Variants in RBFOX1 observed in about 807,000 individuals in gnomAD.
RBFOX1 encodes RNA binding fox-1 homolog 1, also known as RNA binding protein fox-1 homolog 1.
Under a neutral mutation model 57.7 loss-of-function variants are expected in RBFOX1, and 8 were observed. The ratio of observed to expected loss-of-function variants is 0.14; its 90% CI spans 0.08 to 0.25. The LOEUF (loss-of-function observed/expected upper bound fraction) is 0.25. RBFOX1 is among the 10% of genes least tolerant of loss of function. The pLI is 1.00. For missense variants in RBFOX1, 611 were observed against 548.5 expected, an observed-to-expected ratio of 1.11 and a Z score of -1.14; for synonymous variants, 326 against 222.4, an observed-to-expected ratio of 1.47 and a Z score of -4.15.
chr16:6,818,646 A>T (rs8055088), intron 3 of RBFOX1, among the ~76,000 whole-genome samples: 77,073 of 151,936 alleles, frequency 0.51, 19,790 homozygotes, highest in African/African-American at 0.54. Context: ...AGCTGCTATT[A>T]TTCATTTTTC....
intron 1 of RBFOX1, among the ~76,000 whole-genome samples, chr16:6,124,258 C>G (rs1187076593): frequency 2.0e-5 from 3 of 152,308 alleles, no homozygotes; most frequent in Non-Finnish European, 2.9e-5. Context: ...CCAGCTCCCT[C>G]TAAAGAGAGT....
At chr16:6,601,993 A>C (rs1175849248) in intron 2 of RBFOX1, among the ~76,000 whole-genome samples, 1 of 152,138 alleles carries the variant, frequency 6.6e-6, no homozygotes, top group African/African-American at 2.4e-5. Flanking sequence ...GTCAGGTAGG[A>C]CAGGGGATGG....
chr16:7,676,800 C>A lies in RBFOX1; in HGVS notation c.957C>A (p.Ala319=). The A allele has an allele frequency of 6.2e-7, 1 of 1,613,256 alleles. No homozygotes were observed. The highest frequency in any genetic ancestry group is 8.5e-7 in the Non-Finnish European group (1 of 1,179,452). Residue 319 remains alanine (A), a synonymous_variant, in exon 14 of 16, where the codon GCC becomes GCA. Transcript: ENST00000550418. ...GTGGTTATGCTGCATACCGCTACGCCCAGCCTACCCCTGCCACTGCCGCTG... is the reference window on the plus strand; with the variant it reads ...GTGGTTATGCTGCATACCGCTACGCACAGCCTACCCCTGCCACTGCCGCTG... The part of the protein sequence containing the change: ...IYGGYAAYRY[A]QPTPATAAAY...
At chr16:7,695,827 A>G (rs1001086929) in intron 14 of RBFOX1, among the ~76,000 whole-genome samples, 8 of 151,514 alleles carry the variant, frequency 5.3e-5, no homozygotes, top group African/African-American at 1.9e-4. Flanking sequence ...TTAAATGGAG[A>G]AAAAAAAATC....
chr16:5,695,597 T>C (rs1456424719), intron 3 of RBFOX1, among the ~76,000 whole-genome samples: 4 of 152,204 alleles, frequency 2.6e-5, no homozygotes, highest in Non-Finnish European at 5.9e-5. Flanking sequence ...TCAGATGTTA[T>C]GCACCTCCTT....
intron 4 of RBFOX1, among the ~76,000 whole-genome samples, chr16:7,166,226 C>A (rs1302099910): frequency 6.6e-6 from 1 of 151,970 alleles, no homozygotes; most frequent in Non-Finnish European, 1.5e-5. Flanking sequence ...GTAGGCCAGG[C>A]TGGTCTCGAA....
chr16:6,226,260 G>C (rs12919676), intron 1 of RBFOX1, among the ~76,000 whole-genome samples: 48,966 of 148,702 alleles, frequency 0.33, 8,557 homozygotes, highest in African/African-American at 0.42. Context: ...GTAATCCCAG[G>C]TACTCGGGAG....
intron 2 of RBFOX1, among the ~76,000 whole-genome samples, chr16:6,407,011 A>G (rs8043947): frequency 0.44 from 66,611 of 151,982 alleles, 15,431 homozygotes; most frequent in Non-Finnish European, 0.5. Flanking sequence ...CCAATGAGAT[A>G]AACTCTTTTG....
Position 6,401,485 on chromosome 16 carries a change from C to T in RBFOX1, c.-64+84428C>T, listed in dbSNP as rs1326366613. On this transcript the variant is annotated intron_variant, in intron 2 of 15. Transcript: ENST00000550418. ...TGGACTGTGATCATTTTAAAACCTACGCTAATTTGAAGGGCATGAAATGAT... is the reference window on the plus strand; with the variant it reads ...TGGACTGTGATCATTTTAAAACCTATGCTAATTTGAAGGGCATGAAATGAT... Among the ~76,000 whole-genome samples the T allele has an allele frequency of 1.2e-4, 18 of 152,258 alleles. No homozygotes were observed. The East Asian group carries it at 1.5e-3, about 13-fold the overall frequency.
chr16:6,715,045 T>C (rs758387930), intron 3 of RBFOX1, among the ~76,000 whole-genome samples: 1 of 152,082 alleles, frequency 6.6e-6, no homozygotes, highest in Non-Finnish European at 1.5e-5. Flanking sequence ...GAGAAATCCA[T>C]ATTTGGGATT....
At chr16:5,414,219 A>T (rs1177090672) in intron 1 of RBFOX1, among the ~76,000 whole-genome samples, 1 of 152,158 alleles carries the variant, frequency 6.6e-6, no homozygotes, top group East Asian at 1.9e-4. Flanking sequence ...CCAGGATGCC[A>T]GGTTTTTCTC....
At chr16:6,987,456 GACACAC>G (rs199503873) in intron 3 of RBFOX1, among the ~76,000 whole-genome samples, 5,720 of 135,400 alleles carry the variant, frequency 0.042, 123 homozygotes, top group Non-Finnish European at 0.047. Context: ...AAACTTTTCA[GACACAC>G]ACACACACAC....
At chr16:6,683,534 CTTTTG>C (rs925860590) in intron 3 of RBFOX1, among the ~76,000 whole-genome samples, 1 of 152,002 alleles carries the variant, frequency 6.6e-6, no homozygotes, top group Non-Finnish European at 1.5e-5. Context: ...ATGTATATAG[CTTTTG>C]TTTTGTTTTC....
intron 3 of RBFOX1, among the ~76,000 whole-genome samples, chr16:7,012,811 G>T (rs1003697230): frequency 1.3e-5 from 2 of 152,142 alleles, no homozygotes; most frequent in Non-Finnish European, 2.9e-5. Context: ...ATCTTAGTGT[G>T]TTCAGGCTGC....
intron 2 of RBFOX1, among the ~76,000 whole-genome samples, chr16:6,641,666 C>T (rs868146204): frequency 2.9e-5 from 4 of 138,722 alleles, no homozygotes; most frequent in Non-Finnish European, 6.2e-5. Context: ...ACCTGGGAGG[C>T]GGAGGTTGCA....
intron 3 of RBFOX1, among the ~76,000 whole-genome samples, chr16:6,799,159 G>C (rs2084772128): frequency 6.6e-6 from 1 of 152,056 alleles, no homozygotes; most frequent in South Asian, 2.1e-4. Flanking sequence ...TCTTAGCTTT[G>C]CTCAGGAAAG....
At chr16:7,635,338 T>C (rs2061584163) in intron 11 of RBFOX1, among the ~76,000 whole-genome samples, 1 of 152,202 alleles carries the variant, frequency 6.6e-6, no homozygotes, top group Admixed American at 6.5e-5. Context: ...ACGTAAATGT[T>C]TATTTTGTTT....
At chr16:6,977,173 T>G (rs1465464662) in intron 3 of RBFOX1, among the ~76,000 whole-genome samples, 2 of 146,948 alleles carry the variant, frequency 1.4e-5, no homozygotes, top group South Asian at 2.1e-4. Context: ...TATTATCATA[T>G]ATAGATCATA....
intron 4 of RBFOX1, among the ~76,000 whole-genome samples, chr16:7,499,205 A>G (rs1433930675): frequency 6.6e-6 from 1 of 152,166 alleles, no homozygotes; most frequent in Non-Finnish European, 1.5e-5. Flanking sequence ...AATCTGCCCC[A>G]TGCTGCTCTC....
Sources: allele counts gnomAD v4.1 joint callset (sites outside exome capture counted in the v4.1 genomes callset), GRCh38; gene constraint gnomAD v4.1.1; transcripts MANE v1.5; gene names NCBI Gene and HGNC (gene_info 2026-07-23, HGNC 2026-07-21).